MAP2K1: variants seen among roughly 807,000 people sequenced by gnomAD.
MAP2K1 encodes dual specificity mitogen-activated protein kinase kinase 1.
A neutral mutation model predicts 46.3 loss-of-function variants in MAP2K1; 16 were observed. The ratio of observed to expected loss-of-function variants is 0.35; its 90% CI spans 0.23 to 0.52. The LOEUF (loss-of-function observed/expected upper bound fraction) is 0.52, where lower values mean the gene tolerates loss of function less well. MAP2K1 is among the 20% of genes least tolerant of loss of function. The probability of loss-of-function intolerance (pLI) is 0.94; values close to 1 mark genes in which losing one functional copy is unlikely to be tolerated. For missense variants in MAP2K1, 263 were observed against 497.1 expected (o/e 0.53, Z 4.48); for synonymous variants, 183 against 185.6 (o/e 0.99, Z 0.11).
intron 1 of MAP2K1, among the ~76,000 whole-genome samples, chr15:66,408,097 A>G (rs946053842): frequency 2.6e-5 from 4 of 152,206 alleles, no homozygotes; most frequent in Admixed American, 6.5e-5. Flanking sequence ...GCATAACAAC[A>G]TTTATCCAAC....
At chr15:66,475,306 G>T (rs1892730027) in intron 5 of MAP2K1, among the ~76,000 whole-genome samples, 1 of 152,162 alleles carries the variant, frequency 6.6e-6, no homozygotes, top group African/African-American at 2.4e-5. Context: ...AGAAGAGGTT[G>T]TTTGAAGCCT....
intron 5 of MAP2K1, chr15:66,453,435 A>C: frequency 1.4e-6 from 1 of 700,462 alleles, no homozygotes; most frequent in South Asian, 1.5e-5. Flanking sequence ...TCAGCATTTC[A>C]GACTCCTGTT....
chr15:66,422,577 C>T (rs1450079978), intron 1 of MAP2K1, among the ~76,000 whole-genome samples: 1 of 151,978 alleles, frequency 6.6e-6, no homozygotes, highest in Non-Finnish European at 1.5e-5. Flanking sequence ...TATTGTAGTA[C>T]CTATGACGGG....
intron 5 of MAP2K1, among the ~76,000 whole-genome samples, chr15:66,470,091 C>CTT (rs1567021186): frequency 3.4e-4 from 19 of 55,696 alleles, no homozygotes; most frequent in South Asian, 1.3e-3. Flanking sequence ...ACTTTTTTTT[C>CTT]TTGTTTTTTT....
chr15:66,463,423 C>G (rs1425526524), intron 5 of MAP2K1, among the ~76,000 whole-genome samples: 2 of 152,214 alleles, frequency 1.3e-5, no homozygotes, highest in African/African-American at 4.8e-5. Flanking sequence ...AGGATGCATG[C>G]CCATGACACA....
chr15:66,433,716 A>G (rs1341102827), intron 1 of MAP2K1, among the ~76,000 whole-genome samples: 2 of 152,152 alleles, frequency 1.3e-5, no homozygotes, highest in Non-Finnish European at 2.9e-5. Context: ...GTTGGCAGGA[A>G]CACCAACATG....
chr15:66,438,159 T>C (rs184166949), intron 3 of MAP2K1, among the ~76,000 whole-genome samples: 1 of 151,832 alleles, frequency 6.6e-6, no homozygotes, highest in Admixed American at 6.6e-5. Flanking sequence ...CGATGTCGGC[T>C]CACTGCAACC....
chr15:66,434,465 A>G (rs2093482352), intron 1 of MAP2K1, among the ~76,000 whole-genome samples: 1 of 152,226 alleles, frequency 6.6e-6, no homozygotes, highest in Admixed American at 6.5e-5. Flanking sequence ...GCAGATTTAT[A>G]TACATTGAGT....
intron 1 of MAP2K1, among the ~76,000 whole-genome samples, chr15:66,390,024 T>C (rs1027485737): frequency 1.3e-5 from 2 of 152,224 alleles, no homozygotes; most frequent in African/African-American, 4.8e-5. Context: ...CTGGTGCCTT[T>C]GTTACTGCCT....
At chr15:66,397,907 G>A (rs2093372106) in intron 1 of MAP2K1, among the ~76,000 whole-genome samples, 1 of 152,132 alleles carries the variant, frequency 6.6e-6, no homozygotes, top group Non-Finnish European at 1.5e-5. Context: ...TTCGAGACCA[G>A]CCTGGCCAAC....
chr15:66,476,834 G>T (rs370438687), intron 5 of MAP2K1, among the ~76,000 whole-genome samples: 4 of 152,190 alleles, frequency 2.6e-5, no homozygotes, highest in African/African-American at 9.7e-5. Context: ...AAGCAAGTGT[G>T]GGGTGCTGAG....
chr15:66,415,173 G>A lies in MAP2K1; in HGVS notation c.81-19854G>A, dbSNP rs1374092993. On this transcript the variant is annotated intron_variant, in intron 1 of 10. Transcript: ENST00000307102. The stretch of plus-strand genomic sequence containing the variant: ...CTAGTTTGACCTCCAGAAGTTTCTT[G>A]TTCTTCACTGGTATGACTGATGCCA... 1.3e-4 allele frequency: 67 copies of A among 523,340 alleles called. 1 individual carries two copies. Among genetic ancestry groups the A allele is most frequent in the South Asian group, 6.3e-4 (45 of 71,942 alleles). 32.4% of individuals were successfully genotyped at this position (523,340 alleles called of 1,614,324 possible). A position where few individuals can be genotyped will look rare whatever the true frequency, so the allele number is the denominator to read the frequency against.
At chr15:66,477,972 G>T (rs1263067628) in intron 5 of MAP2K1, among the ~76,000 whole-genome samples, 1 of 152,112 alleles carries the variant, frequency 6.6e-6, no homozygotes, top group Non-Finnish European at 1.5e-5. Context: ...GGGATGAGGA[G>T]GTACACCTCC....
chr15:66,464,849 T>A (rs1892422168), intron 5 of MAP2K1, among the ~76,000 whole-genome samples: 1 of 151,850 alleles, frequency 6.6e-6, no homozygotes, highest in African/African-American at 2.4e-5. Flanking sequence ...TTTAGAGACC[T>A]GTAGCCAGGA....
intron 1 of MAP2K1, among the ~76,000 whole-genome samples, chr15:66,415,671 T>C (rs2093422959): frequency 6.6e-6 from 1 of 152,262 alleles, no homozygotes; most frequent in African/African-American, 2.4e-5. Context: ...CATTTCTAAG[T>C]TGCCAGACTC....
chr15:66,461,464 G>A (rs1892316742), intron 5 of MAP2K1, among the ~76,000 whole-genome samples: 1 of 145,896 alleles, frequency 6.9e-6, no homozygotes, highest in African/African-American at 2.6e-5. Flanking sequence ...GTGACAGAGT[G>A]AGACTCTGTC....
chr15:66,457,694 G>A (rs1045185845), intron 5 of MAP2K1, among the ~76,000 whole-genome samples: 3 of 152,122 alleles, frequency 2.0e-5, no homozygotes, highest in African/African-American at 7.2e-5. Flanking sequence ...AACTATGGTG[G>A]CTGTAGCCTG....
chr15:66,462,657 C>T (rs1255801536), intron 5 of MAP2K1, among the ~76,000 whole-genome samples: 1 of 151,622 alleles, frequency 6.6e-6, no homozygotes, highest in African/African-American at 2.4e-5. Flanking sequence ...TAACAAGTGA[C>T]ATACATGATA....
At chr15:66,424,962 A>T (rs1157772388) in intron 1 of MAP2K1, among the ~76,000 whole-genome samples, 8 of 151,552 alleles carry the variant, frequency 5.3e-5, no homozygotes, top group Admixed American at 5.3e-4. Flanking sequence ...AAGCCCGGCT[A>T]ATTTTGTATT....
Sources: allele counts gnomAD v4.1 joint callset (sites outside exome capture counted in the v4.1 genomes callset), GRCh38; gene constraint gnomAD v4.1.1; transcripts MANE v1.5; gene names NCBI Gene and HGNC (gene_info 2026-07-23, HGNC 2026-07-21).